The following VGLL4 variants were observed in gnomAD, a reference collection of about 807,000 sequenced individuals.
The protein encoded by VGLL4 is vestigial like family member 4.
A neutral mutation model predicts 21.0 loss-of-function variants in VGLL4; 7 were observed. That is an observed-to-expected ratio of 0.33 (90% CI 0.19 to 0.63). The LOEUF (loss-of-function observed/expected upper bound fraction) is 0.63. VGLL4 is among the 20% of genes least tolerant of loss of function. The pLI is 0.78. For synonymous variants in VGLL4, 222 were observed against 173.2 expected, an observed-to-expected ratio of 1.28 and a Z score of -2.21; for missense variants, 394 against 425.7, an observed-to-expected ratio of 0.93 and a Z score of 0.66.
Position 11,565,088 on chromosome 3 carries a change from G to A in VGLL4, c.273-69C>T. The A allele has an allele frequency of 7.3e-7, 1 of 1,361,010 alleles. No homozygotes were observed. The highest frequency in any genetic ancestry group is 9.7e-7 in the Non-Finnish European group (1 of 1,034,980). The allele number at this position is 1,361,010 out of a possible 1,614,324, so 84.3% of individuals were successfully genotyped here. ...CAAAGGGGACAGTGACTGTGCGCCA[G>A]GCACTCCGTGTTGCTTATTTAATTT... On this transcript the variant is annotated intron_variant, in intron 2 of 4. Transcript: ENST00000430365. This position sits in a 1 kb window ranked among gnomAD's most constrained non-coding sequence, Gnocchi z 4.1.
At chr3:11,676,999 T>C (rs2076300683) in intron 2 of VGLL4, among the ~76,000 whole-genome samples, 1 of 152,192 alleles carries the variant, frequency 6.6e-6, no homozygotes, top group Non-Finnish European at 1.5e-5. Context: ...TAACTACAGC[T>C]AAAACTGTTA....
At position 11,561,153 on chromosome 3, in the gene VGLL4, C is replaced by T. The variant is rs554167195; in HGVS notation, c.496-1698G>A. Among the ~76,000 whole-genome samples, 17 of 152,276 alleles carry T rather than the reference C, an allele frequency of 1.1e-4. No homozygotes were observed. The East Asian group carries it at 2.9e-3, about 26-fold the overall frequency. On this transcript the variant is annotated intron_variant, in intron 3 of 4. Transcript: ENST00000430365. ...CCCCCCCAGGGTCCTCCCAATAAAACTCCCTTTTGTGCTCAGCCGGCTTGT... is the reference window on the plus strand; with the variant it reads ...CCCCCCCAGGGTCCTCCCAATAAAATTCCCTTTTGTGCTCAGCCGGCTTGT...
chr3:11,593,500 G>A (rs987304246), intron 2 of VGLL4, among the ~76,000 whole-genome samples: 4 of 152,128 alleles, frequency 2.6e-5, no homozygotes, highest in African/African-American at 7.2e-5. Context: ...TGAATTCGTG[G>A]TTTTGAGTTT....
At chr3:11,598,494 T>A (rs1393297436) in intron 2 of VGLL4, among the ~76,000 whole-genome samples, 1 of 151,928 alleles carries the variant, frequency 6.6e-6, no homozygotes, top group Non-Finnish European at 1.5e-5. Context: ...CTCTCTCCCT[T>A]CCTTCCTTTT....
intron 1 of VGLL4, among the ~76,000 whole-genome samples, chr3:11,706,700 C>T (rs1036005916): frequency 2.0e-5 from 3 of 152,134 alleles, no homozygotes; most frequent in East Asian, 1.9e-4. Context: ...CTTCCTGGAT[C>T]GCACTGTGTT....
chr3:11,611,250 CA>C (rs1296571580), intron 1 of VGLL4, among the ~76,000 whole-genome samples: 1 of 152,134 alleles, frequency 6.6e-6, no homozygotes, highest in Non-Finnish European at 1.5e-5. Context: ...TATTTGAAGA[CA>C]GAGACTTTAA....
intron 1 of VGLL4, among the ~76,000 whole-genome samples, chr3:11,620,521 C>G (rs1258066040): frequency 1.3e-5 from 2 of 152,188 alleles, no homozygotes; most frequent in Non-Finnish European, 1.5e-5. Context: ...ATTGATCATA[C>G]GTAAAACCTT....
chr3:11,697,519 G>A (rs1217212639), intron 2 of VGLL4, among the ~76,000 whole-genome samples: 1 of 152,172 alleles, frequency 6.6e-6, no homozygotes, highest in Non-Finnish European at 1.5e-5. Flanking sequence ...GGGCCCAGCT[G>A]AACTAGTCAC....
At chr3:11,698,954 G>GTC (rs2076642566) in intron 2 of VGLL4, among the ~76,000 whole-genome samples, 1 of 152,142 alleles carries the variant, frequency 6.6e-6, no homozygotes, top group African/African-American at 2.4e-5. Context: ...AAGGAAAAGA[G>GTC]AATCATTTAG....
intron 2 of VGLL4, among the ~76,000 whole-genome samples, chr3:11,655,536 C>T (rs540972382): frequency 3.3e-5 from 5 of 152,318 alleles, no homozygotes; most frequent in African/African-American, 1.2e-4. Context: ...AGCCTATCTT[C>T]TTAAATTATC....
At chr3:11,704,383 C>CAAAAAAAAAAAAAAAAAAAAAA (rs57593843) in intron 1 of VGLL4, among the ~76,000 whole-genome samples, 18 of 69,146 alleles carry the variant, frequency 2.6e-4, no homozygotes, top group Middle Eastern at 0.011. Flanking sequence ...AACTCCGTCT[C>CAAAAAAAAAAAAAAAAAAAAAA]AAAAAAAAAA....
chr3:11,622,098 T>G (rs1281055539), intron 1 of VGLL4, among the ~76,000 whole-genome samples: 1 of 152,244 alleles, frequency 6.6e-6, no homozygotes, highest in Admixed American at 6.5e-5. Flanking sequence ...AGTTGTCTTT[T>G]CCTTCAAATC....
chr3:11,561,257 A>C (rs2072972649), intron 3 of VGLL4, among the ~76,000 whole-genome samples: 2 of 152,172 alleles, frequency 1.3e-5, no homozygotes, highest in Admixed American at 6.5e-5. Flanking sequence ...GGGGGAATCA[A>C]GGAAGATGAA....
intron 2 of VGLL4, among the ~76,000 whole-genome samples, chr3:11,684,900 G>C (rs1408443194): frequency 6.6e-6 from 1 of 152,088 alleles, no homozygotes; most frequent in East Asian, 1.9e-4. Context: ...TTGTGTCACA[G>C]GGTTTGTAGT....
chr3:11,643,776 C>T lies in VGLL4; in HGVS notation c.-258G>A. On this transcript the variant is annotated 5_prime_UTR_variant, in exon 1 of 5. Coordinates refer to ENST00000430365, the MANE Select transcript of VGLL4 (RefSeq NM_001128219.3). ...TATCCCCGATCGAGTATGAAAACAG[C>T]GTTTCAGAAGTCCTTACAAGTCCTT... 8.4e-7 allele frequency: 1 copy of T among 1,195,404 alleles called. No individual in the cohort carries two copies. Among genetic ancestry groups the T allele is most frequent in the Non-Finnish European group, 1.0e-6 (1 of 961,896 alleles). The allele number at this position is 1,195,404 out of a possible 1,614,324, so 74.0% of individuals were successfully genotyped here.
intron 2 of VGLL4, among the ~76,000 whole-genome samples, chr3:11,580,255 T>A (rs2074187674): frequency 6.6e-6 from 1 of 152,236 alleles, no homozygotes; most frequent in Non-Finnish European, 1.5e-5. Context: ...GTCAGTGGAA[T>A]CATACAACAT....
Position 11,635,111 on chromosome 3 carries a change from G to C in VGLL4, c.82+8326C>G, listed in dbSNP as rs565646563. Among the ~76,000 whole-genome samples the C allele has an allele frequency of 3.9e-5, 6 of 152,302 alleles. No individual in the cohort carries two copies. The East Asian group carries it at 7.7e-4, about 20-fold the overall frequency. ...GGATATCATTTAGTGACCGTGTCTG[G>C]AACAAATTCAACAGAGTTGTGGGAG... is the stretch of plus-strand genomic sequence containing the variant. On this transcript the variant is annotated intron_variant, in intron 1 of 4. Coordinates refer to ENST00000430365, the MANE Select transcript of VGLL4 (RefSeq NM_001128219.3).
chr3:11,582,167 C>CCT (rs1253180735), intron 2 of VGLL4: 23 of 1,215,842 alleles, frequency 1.9e-5, no homozygotes, highest in Non-Finnish European at 2.7e-5. Context: ...GACTACTCTA[C>CCT]CTCTCCCAGC....
chr3:11,643,816 A>C lies in VGLL4; in HGVS notation c.-298T>G. The C allele has an allele frequency of 9.1e-7, 1 of 1,093,550 alleles. No homozygotes were observed. Among genetic ancestry groups the C allele is most frequent in the Non-Finnish European group, 1.1e-6 (1 of 899,140 alleles). 67.7% of individuals were successfully genotyped at this position (1,093,550 alleles called of 1,614,324 possible). A position where few individuals can be genotyped will look rare whatever the true frequency, so the allele number is the denominator to read the frequency against. ...TACAAGTCCTTCCTGGAAATGGAAAAGAGTGAAAAAGAGAAACGCGCAGCC... is the reference window on the plus strand; with the variant it reads ...TACAAGTCCTTCCTGGAAATGGAAACGAGTGAAAAAGAGAAACGCGCAGCC... On this transcript the variant is annotated 5_prime_UTR_variant, in exon 1 of 5. Transcript: ENST00000430365.
Sources: gnomAD v4.1 joint callset for allele counts (sites outside exome capture counted in the v4.1 genomes callset) on GRCh38, gnomAD v4.1.1 for gene constraint, Gnocchi (gnomAD v3.1) non-coding constraint, MANE v1.5 for transcripts, NCBI Gene and HGNC (gene_info 2026-07-23, HGNC 2026-07-21) for gene names.